SLC9A8: variants seen among roughly 807,000 people sequenced by gnomAD.
The protein encoded by SLC9A8 is solute carrier family 9 member A8, also known as sodium/hydrogen exchanger 8.
A neutral mutation model predicts 66.6 loss-of-function variants in SLC9A8; 48 were observed. That is an observed-to-expected ratio of 0.72 (90% CI 0.57 to 0.92). The LOEUF (loss-of-function observed/expected upper bound fraction) is 0.92. SLC9A8 is among the 40% of genes least tolerant of loss of function. SLC9A8 has a pLI of 0.00. For missense variants in SLC9A8, 599 were observed against 747.3 expected (o/e 0.80, Z 2.31); for synonymous variants, 274 against 282.6 (o/e 0.97, Z 0.31).
rs1047616884 is a variant in SLC9A8 at position 49,890,748 on chromosome 20, G to A, written c.*2812G>A. The A allele has an allele frequency of 2.6e-5, 4 of 152,194 alleles. No homozygotes were observed. The highest frequency in any genetic ancestry group is 6.5e-5 in the Admixed American group (1 of 15,276). 9.4% of individuals were successfully genotyped at this position (152,194 alleles called of 1,614,324 possible). On this transcript the variant is annotated 3_prime_UTR_variant, in exon 16 of 16. Transcript: ENST00000361573. ...GGTGGCTCAGTTCCATCATCTGGAG[G>A]TCAGACACACTGTCCAGAGGCAGAA...
At position 49,890,995 on chromosome 20, in the gene SLC9A8, A is replaced by C. The variant is rs1157944557; in HGVS notation, c.*3059A>C. The C allele has an allele frequency of 6.6e-6, 1 of 152,278 alleles. No homozygotes were observed. The highest frequency in any genetic ancestry group is 2.4e-5 in the African/African-American group (1 of 41,464). The allele number at this position is 152,278 out of a possible 1,614,324, so 9.4% of individuals were successfully genotyped here. On this transcript the variant is annotated 3_prime_UTR_variant, in exon 16 of 16. Transcript: ENST00000361573. Reference sequence around the variant, plus strand: ...GGTGCCATCGGCAGGGCTTGGCCTCATGAAGTCTCAGGTCCGTGTTCCCGC... The same window carrying C: ...GGTGCCATCGGCAGGGCTTGGCCTCCTGAAGTCTCAGGTCCGTGTTCCCGC...
Position 49,878,049 on chromosome 20 carries a change from G to A in SLC9A8, c.1144G>A (p.Val382Ile), listed in dbSNP as rs1600801018. ...SFPHKFEISF[V>I]IWCIVLVLFG... is the part of the protein sequence containing the mutation. Reference sequence around the variant, plus strand: ...TCCTCACAAGTTTGAAATTTCCTTTGTCATCTGGTGCATAGTAAGTATTTT... The same window carrying A: ...TCCTCACAAGTTTGAAATTTCCTTTATCATCTGGTGCATAGTAAGTATTTT... The change falls in exon 12 of 16, where the codon GTC (valine) becomes ATC (isoleucine). Residue 382 changes from valine (V) to isoleucine (I), a missense_variant. Coordinates refer to ENST00000361573, the MANE Select transcript of SLC9A8 (RefSeq NM_015266.3). The A allele has an allele frequency of 1.9e-6, 3 of 1,591,338 alleles. No homozygotes were observed. The highest frequency in any genetic ancestry group is 2.3e-5 in the South Asian group (2 of 86,008).
At chr20:49,859,338 G>A (rs1568848949) in intron 8 of SLC9A8, among the ~76,000 whole-genome samples, 2 of 152,198 alleles carry the variant, frequency 1.3e-5, no homozygotes, top group African/African-American at 4.8e-5. Context: ...CCTTAAGCAT[G>A]AGGGGGCTCA....
intron 3 of SLC9A8, among the ~76,000 whole-genome samples, chr20:49,835,195 T>TG (rs1371894631): frequency 1.1e-4 from 16 of 148,870 alleles, no homozygotes; most frequent in Admixed American, 6.7e-4. Flanking sequence ...TCTGGGTTTG[T>TG]TTTTTTTTTT....
At chr20:49,817,309 C>T (rs895382069) in intron 2 of SLC9A8, among the ~76,000 whole-genome samples, 1 of 151,846 alleles carries the variant, frequency 6.6e-6, no homozygotes, top group Non-Finnish European at 1.5e-5. Context: ...AAGAGGGAAA[C>T]TCCATACCCC....
At chr20:49,835,055 C>T (rs376813189) in intron 3 of SLC9A8, among the ~76,000 whole-genome samples, 8 of 152,144 alleles carry the variant, frequency 5.3e-5, no homozygotes, top group South Asian at 4.1e-4. Flanking sequence ...GGATGTGGGA[C>T]GCTTTCTTGT....
intron 4 of SLC9A8, among the ~76,000 whole-genome samples, chr20:49,839,917 T>C (rs1275580617): frequency 6.6e-6 from 1 of 152,156 alleles, no homozygotes; most frequent in Non-Finnish European, 1.5e-5. Context: ...TTAAATACTG[T>C]TTATTGCTCC....
chr20:49,862,893 CATTTT>C, intron 8 of SLC9A8, 31 bp from the exon 9 acceptor site: 2 of 1,531,374 alleles, frequency 1.3e-6, no homozygotes. Flanking sequence ...GTGTATATAA[CATTTT>C]AATTTATTTC....
chr20:49,847,752 A>G (rs934953794), intron 5 of SLC9A8, among the ~76,000 whole-genome samples: 2 of 152,138 alleles, frequency 1.3e-5, no homozygotes, highest in African/African-American at 4.8e-5. Flanking sequence ...TATGTCAGAG[A>G]GAAACAGATA....
chr20:49,870,175 G>C (rs1009910361), intron 10 of SLC9A8, among the ~76,000 whole-genome samples: 7 of 152,242 alleles, frequency 4.6e-5, no homozygotes, highest in African/African-American at 1.7e-4. Context: ...CCTATGCTGA[G>C]AACTATCCTT....
chr20:49,880,451 G>C (rs1322268421), intron 12 of SLC9A8, among the ~76,000 whole-genome samples: 2 of 152,100 alleles, frequency 1.3e-5, no homozygotes, highest in Non-Finnish European at 2.9e-5. Context: ...CCATGCATGG[G>C]AGGTCCTTCA....
At chr20:49,874,955 C>T (rs2089366930) in intron 11 of SLC9A8, 134 bp downstream of exon 11, 3 of 676,978 alleles carry the variant, frequency 4.4e-6, no homozygotes, top group Middle Eastern at 2.5e-4. Flanking sequence ...TCCCTCACTC[C>T]CTTATCTTTT....
chr20:49,872,693 A>G (rs1337959654), intron 10 of SLC9A8, among the ~76,000 whole-genome samples: 2 of 151,914 alleles, frequency 1.3e-5, no homozygotes, highest in Non-Finnish European at 2.9e-5. Flanking sequence ...CACCATCTTG[A>G]CCAGGCTGGT....
chr20:49,864,059 T>G (rs187028354), intron 9 of SLC9A8: 135 of 152,072 alleles, frequency 8.9e-4, no homozygotes, highest in African/African-American at 2.9e-3. Flanking sequence ...TTTTCCTCTA[T>G]ATTTATCTTT....
intron 2 of SLC9A8, among the ~76,000 whole-genome samples, chr20:49,821,190 CAA>C (rs2086726879): frequency 6.6e-6 from 1 of 152,158 alleles, no homozygotes. Flanking sequence ...CTTAAAGCCG[CAA>C]AGAGTTGTTT....
chr20:49,815,212 CCATCA>C, intron 2 of SLC9A8, 23 bp downstream of exon 2: 2 of 1,486,900 alleles, frequency 1.3e-6, no homozygotes, highest in South Asian at 2.7e-5. Flanking sequence ...ACTGTCATCC[CCATCA>C]TCTGCCATCC....
At chr20:49,825,807 G>A (rs780999656) in intron 3 of SLC9A8, among the ~76,000 whole-genome samples, 1 of 152,250 alleles carries the variant, frequency 6.6e-6, no homozygotes, top group East Asian at 1.9e-4. Context: ...CCCCGGCTTC[G>A]CTGTCAGGCA....
At chr20:49,873,062 A>G (rs1409518424) in intron 10 of SLC9A8, among the ~76,000 whole-genome samples, 1 of 152,218 alleles carries the variant, frequency 6.6e-6, no homozygotes, top group Non-Finnish European at 1.5e-5. Flanking sequence ...CTGTGTAAGC[A>G]CAGAAGGTTG....
Position 49,874,712 on chromosome 20 carries a change from G to A in SLC9A8, c.966G>A (p.Met322Ile). The A allele has an allele frequency of 6.3e-7, 1 of 1,595,058 alleles. No homozygotes were observed. Among genetic ancestry groups the A allele is most frequent in the Non-Finnish European group, 8.6e-7 (1 of 1,162,758 alleles). The stretch of plus-strand genomic sequence containing the variant: ...TGTTCTCTCCCTCTCTAGGCATCAT[G>A]GCCATCCTTTTCTCAGGCATCGTGA... The part of the protein sequence containing the change: ...LAEGISLSGI[M>I]AILFSGIVMS... Residue 322 changes from methionine (M) to isoleucine (I), a missense_variant, in exon 11 of 16, where the codon ATG becomes ATA. Transcript: ENST00000361573.
Sources: gnomAD v4.1 joint callset for allele counts (sites outside exome capture counted in the v4.1 genomes callset) on GRCh38, gnomAD v4.1.1 for gene constraint, MANE v1.5 for transcripts, NCBI Gene and HGNC (gene_info 2026-07-23, HGNC 2026-07-21) for gene names.